PTPRN2: variants seen among roughly 807,000 people sequenced by gnomAD.
PTPRN2 encodes receptor-type tyrosine-protein phosphatase N2.
Under a neutral mutation model 118.8 loss-of-function variants are expected in PTPRN2, and 74 were observed. The ratio of observed to expected loss-of-function variants is 0.62; its 90% CI spans 0.52 to 0.76. PTPRN2 has a LOEUF of 0.76. PTPRN2 is among the 30% of genes least tolerant of loss of function. The pLI is 0.00. For synonymous variants in PTPRN2, 641 were observed against 608.0 expected, an observed-to-expected ratio of 1.05 and a Z score of -0.80; for missense variants, 1,481 against 1,394.4, an observed-to-expected ratio of 1.06 and a Z score of -0.99.
rs1049093511 is a variant in PTPRN2, at chr7:157,977,302, A to G, written c.1724-78565T>C. Among the ~76,000 whole-genome samples the G allele has an allele frequency of 2.0e-5, 3 of 151,924 alleles. No homozygotes were observed. The highest frequency in any genetic ancestry group is 4.8e-5 in the African/African-American group (2 of 41,422). ...CTGTGGTGGCACTGATCCAAATTCA[A>G]TGAACAAGGTGATTTCTGATCAGGG... On this transcript the variant is annotated intron_variant, in intron 11 of 22. Transcript: ENST00000389418. This position sits in a 1 kb window ranked among gnomAD's most constrained non-coding sequence, Gnocchi z 4.6.
intron 11 of PTPRN2, among the ~76,000 whole-genome samples, chr7:157,939,105 C>T (rs561074906): frequency 1.8e-4 from 28 of 151,480 alleles, no homozygotes; most frequent in Admixed American, 1.1e-3. Flanking sequence ...ACCCAAATTC[C>T]GAATTACAGT....
intron 11 of PTPRN2, among the ~76,000 whole-genome samples, chr7:158,073,931 C>T (rs1414082408): frequency 2.0e-5 from 3 of 152,192 alleles, no homozygotes; most frequent in Non-Finnish European, 4.4e-5. Context: ...GCATCTTCAC[C>T]AGCAGACGCG....
chr7:158,520,932 AC>A (rs1205119831), intron 1 of PTPRN2, among the ~76,000 whole-genome samples: 1 of 152,096 alleles, frequency 6.6e-6, no homozygotes, highest in Non-Finnish European at 1.5e-5. Context: ...AACCACAGGC[AC>A]CCTGCAGGCC....
intron 2 of PTPRN2, among the ~76,000 whole-genome samples, chr7:158,341,577 C>T (rs1466518333): frequency 7.9e-5 from 8 of 101,018 alleles, no homozygotes; most frequent in African/African-American, 1.7e-4. Context: ...ACACTCTCAC[C>T]ATAAGAGGTG....
At chr7:157,882,161 C>CA (rs1202533587) in intron 12 of PTPRN2, among the ~76,000 whole-genome samples, 1 of 151,540 alleles carries the variant, frequency 6.6e-6, no homozygotes, top group African/African-American at 2.4e-5. Flanking sequence ...CATGCCACCC[C>CA]AAAAATGACT....
rs1443530816 is a variant in PTPRN2, at chr7:157,869,872, C to T, written c.1788+28801G>A. ...GCAGATGTTATTTTTCTCTGGCCCT[C>T]CAGAAAGTCAACATGCAAAATGCCT... On this transcript the variant is annotated intron_variant, in intron 12 of 22. Transcript: ENST00000389418. The surrounding 1 kb of genome is among the most constrained non-coding windows in gnomAD (Gnocchi z 4.2). 1.3e-5 allele frequency among the ~76,000 whole-genome samples: 2 copies of T among 152,188 alleles called. No homozygotes were observed. Among genetic ancestry groups the T allele is most frequent in the Admixed American group, 1.3e-4 (2 of 15,276 alleles).
At chr7:157,737,006 A>G (rs1426823437) in intron 12 of PTPRN2, among the ~76,000 whole-genome samples, 1 of 152,196 alleles carries the variant, frequency 6.6e-6, no homozygotes, top group African/African-American at 2.4e-5. Context: ...AGGCTTCCCG[A>G]GTCTCCCGGG....
At chr7:158,137,611 G>T (rs1818945870) in intron 7 of PTPRN2, among the ~76,000 whole-genome samples, 1 of 151,972 alleles carries the variant, frequency 6.6e-6, no homozygotes, top group South Asian at 2.1e-4. Flanking sequence ...CCCTCCCGGG[G>T]TGCAGTTCCA....
At position 157,622,668 on chromosome 7, in the gene PTPRN2, G is replaced by A. The variant is rs928085417; in HGVS notation, c.2197-1159C>T. Among the ~76,000 whole-genome samples the A allele has an allele frequency of 1.5e-4, 23 of 152,244 alleles. No homozygotes were observed. The highest frequency in any genetic ancestry group is 5.8e-4 in the East Asian group (3 of 5,174). Reference sequence around the variant, plus strand: ...CAGCTCACACGGGAGCAGGTGCATCGGGCACCTGTGCTGTTTGCGCGACAC... The same window carrying A: ...CAGCTCACACGGGAGCAGGTGCATCAGGCACCTGTGCTGTTTGCGCGACAC... On this transcript the variant is annotated intron_variant, in intron 14 of 22. Coordinates refer to ENST00000389418, the MANE Select transcript of PTPRN2 (RefSeq NM_002847.5). This position sits in a 1 kb window ranked among gnomAD's most constrained non-coding sequence, Gnocchi z 5.3.
At chr7:157,754,238 TG>T (rs1294229434) in intron 12 of PTPRN2, among the ~76,000 whole-genome samples, 1 of 152,200 alleles carries the variant, frequency 6.6e-6, no homozygotes, top group Non-Finnish European at 1.5e-5. Context: ...TGAGTCCGTG[TG>T]GGGAATGTGG....
intron 2 of PTPRN2, among the ~76,000 whole-genome samples, chr7:158,420,777 G>A (rs955222428): frequency 8.5e-5 from 13 of 152,048 alleles, no homozygotes; most frequent in Admixed American, 2.6e-4. Flanking sequence ...TCCCTTCTCC[G>A]GCCACATTTG....
intron 1 of PTPRN2, among the ~76,000 whole-genome samples, chr7:158,515,038 T>C (rs532311350): frequency 6.6e-6 from 1 of 152,144 alleles, no homozygotes; most frequent in African/African-American, 2.4e-5. Flanking sequence ...GTGCCGAACA[T>C]TTACGATGAC....
intron 11 of PTPRN2, among the ~76,000 whole-genome samples, chr7:157,976,143 G>A (rs1422587965): frequency 6.6e-6 from 1 of 152,220 alleles, no homozygotes; most frequent in East Asian, 1.9e-4. Context: ...CCGGGAAAGG[G>A]GCCTCAGCCA....
At chr7:158,146,450 G>T (rs1008395197) in intron 6 of PTPRN2, among the ~76,000 whole-genome samples, 1 of 152,054 alleles carries the variant, frequency 6.6e-6, no homozygotes, top group Non-Finnish European at 1.5e-5. Flanking sequence ...GGCTGGGCTT[G>T]GTGGCTCACA....
chr7:158,513,119 C>T (rs2129447183), intron 1 of PTPRN2, among the ~76,000 whole-genome samples: 1 of 152,254 alleles, frequency 6.6e-6, no homozygotes, highest in African/African-American at 2.4e-5. Context: ...AGCCGCAACC[C>T]TCCCCACCAA....
At chr7:158,252,331 C>T (rs1420482146) in intron 3 of PTPRN2, among the ~76,000 whole-genome samples, 8 of 152,212 alleles carry the variant, frequency 5.3e-5, no homozygotes, top group Non-Finnish European at 1.2e-4. Flanking sequence ...AAAATGGAAT[C>T]ATCCCCGTGC....
chr7:158,434,528 C>T (rs181324740), intron 2 of PTPRN2, among the ~76,000 whole-genome samples: 1 of 152,056 alleles, frequency 6.6e-6, no homozygotes, highest in African/African-American at 2.4e-5. Context: ...TCTCTTCCAG[C>T]GTTTCAAACT....
chr7:158,151,911 C>T (rs180972551), intron 6 of PTPRN2, among the ~76,000 whole-genome samples: 246 of 152,270 alleles, frequency 1.6e-3, no homozygotes, highest in African/African-American at 3.8e-3. Flanking sequence ...CGGTGGCTCA[C>T]GCCTGTAATC....
intron 2 of PTPRN2, 122 bp downstream of exon 2, chr7:158,489,612 TC>T (rs760252456): frequency 4.0e-6 from 4 of 1,012,256 alleles, no homozygotes; most frequent in African/African-American, 1.7e-5. Context: ...CCGCCTCCTC[TC>T]GGCAGCGCGC....
Sources: allele counts gnomAD v4.1 joint callset (sites outside exome capture counted in the v4.1 genomes callset), GRCh38; gene constraint gnomAD v4.1.1; non-coding constraint Gnocchi (gnomAD v3.1); transcripts MANE v1.5; gene names NCBI Gene and HGNC (gene_info 2026-07-23, HGNC 2026-07-21).